ZFAT: variants seen among roughly 807,000 people sequenced by gnomAD.
The protein encoded by ZFAT is zinc finger protein ZFAT.
A neutral mutation model predicts 117.7 loss-of-function variants in ZFAT; 64 were observed. That is an observed-to-expected ratio of 0.54 (90% confidence interval 0.44 to 0.67). The LOEUF is 0.67. Ranked by LOEUF, ZFAT falls within the 30% of genes least tolerant of loss-of-function variation. ZFAT has a pLI of 0.00. For synonymous variants in ZFAT, 679 were observed against 615.0 expected (o/e 1.10, Z -1.54); for missense variants, 1,433 against 1,584.5 (o/e 0.90, Z 1.62).
intron 15 of ZFAT, among the ~76,000 whole-genome samples, chr8:134,484,650 C>G (rs1485372319): frequency 1.3e-5 from 2 of 152,184 alleles, no homozygotes; most frequent in Non-Finnish European, 2.9e-5. Flanking sequence ...CAAAATTCCC[C>G]AGTCTGCATG....
At chr8:134,574,987 G>GA (rs147318163) in intron 10 of ZFAT, among the ~76,000 whole-genome samples, 3,322 of 146,274 alleles carry the variant, frequency 0.023, 124 homozygotes, top group African/African-American at 0.078. Flanking sequence ...GAGAATATTT[G>GA]AAAAAAAAAA....
At chr8:134,559,202 G>A (rs1019117687) in intron 11 of ZFAT, among the ~76,000 whole-genome samples, 1 of 152,164 alleles carries the variant, frequency 6.6e-6, no homozygotes, top group Non-Finnish European at 1.5e-5. Context: ...CTGTCCCTCA[G>A]TCTACCCAGT....
At chr8:134,697,599 C>T (rs1586967817) in intron 1 of ZFAT, among the ~76,000 whole-genome samples, 2 of 150,962 alleles carry the variant, frequency 1.3e-5, no homozygotes, top group South Asian at 2.1e-4. Context: ...TGGTAGCGGG[C>T]GCCTGTAGTC....
intron 5 of ZFAT, among the ~76,000 whole-genome samples, chr8:134,606,784 A>G (rs1586804945): frequency 1.3e-5 from 2 of 152,110 alleles, no homozygotes; most frequent in East Asian, 3.8e-4. Flanking sequence ...GCTATAAAAT[A>G]TAAACTCAAT....
At chr8:134,554,191 G>A (rs889727109) in intron 11 of ZFAT, among the ~76,000 whole-genome samples, 2 of 152,210 alleles carry the variant, frequency 1.3e-5, no homozygotes, top group Non-Finnish European at 2.9e-5. Flanking sequence ...GTATGTTGGA[G>A]CAGGGGCAAT....
At chr8:134,695,543 A>C (rs1833786775) in intron 1 of ZFAT, among the ~76,000 whole-genome samples, 1 of 150,634 alleles carries the variant, frequency 6.6e-6, no homozygotes, top group Admixed American at 6.6e-5. Flanking sequence ...CTGCATCTCT[A>C]ACCAAGGAAG....
At chr8:134,648,128 T>C (rs956216175) in intron 2 of ZFAT, among the ~76,000 whole-genome samples, 2 of 151,992 alleles carry the variant, frequency 1.3e-5, no homozygotes, top group African/African-American at 2.4e-5. Flanking sequence ...TATATATGTA[T>C]AACAAATCAT....
chr8:134,694,347 A>C (rs1010907805), intron 1 of ZFAT, among the ~76,000 whole-genome samples: 4 of 152,216 alleles, frequency 2.6e-5, no homozygotes, highest in Non-Finnish European at 4.4e-5. Context: ...TAAACACCGA[A>C]GATACTTAGG....
chr8:134,559,513 T>G (rs2130743413), intron 11 of ZFAT, among the ~76,000 whole-genome samples: 1 of 152,338 alleles, frequency 6.6e-6, no homozygotes, highest in East Asian at 1.9e-4. Context: ...CAGTAAGCAT[T>G]TCATGCATCT....
intron 7 of ZFAT, chr8:134,597,690 C>G (rs1159375924): frequency 2.0e-5 from 3 of 152,132 alleles, no homozygotes; most frequent in Non-Finnish European, 2.9e-5. Context: ...TCTCAATGCC[C>G]GACACGTAGA....
chr8:134,786,953 A>G, the ZFAT span, among the ~76,000 whole-genome samples: 1 of 151,094 alleles, frequency 6.6e-6, no homozygotes, highest in Non-Finnish European at 1.5e-5. Flanking sequence ...GGCTCAGATG[A>G]TCCTCCTGCC....
chr8:134,789,670 C>T, the ZFAT span, among the ~76,000 whole-genome samples: 1 of 152,112 alleles, frequency 6.6e-6, no homozygotes, highest in Non-Finnish European at 1.5e-5. Flanking sequence ...AAGCCTGGGG[C>T]CCTACTGATC....
chr8:134,564,066 A>T (rs1270513305), intron 11 of ZFAT, among the ~76,000 whole-genome samples: 1 of 152,076 alleles, frequency 6.6e-6, no homozygotes, highest in Non-Finnish European at 1.5e-5. Flanking sequence ...GAAGCAGGGG[A>T]ATCGCTTGAA....
intron 10 of ZFAT, among the ~76,000 whole-genome samples, chr8:134,579,971 A>AAG (rs1825605446): frequency 6.6e-6 from 1 of 151,536 alleles, no homozygotes; most frequent in East Asian, 1.9e-4. Context: ...AAAAAAAAAA[A>AAG]AAGAACAATG....
intron 12 of ZFAT, among the ~76,000 whole-genome samples, chr8:134,522,000 T>C (rs977396878): frequency 7.9e-5 from 12 of 152,246 alleles, no homozygotes; most frequent in African/African-American, 2.4e-4. Context: ...GTGGTCCACA[T>C]GGTCTCTCCT....
the ZFAT span, among the ~76,000 whole-genome samples, chr8:134,731,445 G>C: frequency 6.6e-6 from 1 of 152,224 alleles, no homozygotes; most frequent in Non-Finnish European, 1.5e-5. Flanking sequence ...GGGCCAGATA[G>C]TATTTTCAGC....
chr8:134,501,191 G>A (rs2130272819), intron 15 of ZFAT, among the ~76,000 whole-genome samples: 1 of 152,344 alleles, frequency 6.6e-6, no homozygotes, highest in South Asian at 2.1e-4. Context: ...ATATGCCTAA[G>A]AATCTAGTAT....
chr8:134,716,170 C>T (rs923794948), upstream of ZFAT, among the ~76,000 whole-genome samples: 1 of 121,144 alleles, frequency 8.3e-6, no homozygotes, highest in Non-Finnish European at 1.9e-5. Context: ...TGTATATATG[C>T]ACACACACAC....
At chr8:134,505,280 A>G (rs1419620657) in intron 15 of ZFAT, among the ~76,000 whole-genome samples, 1 of 152,188 alleles carries the variant, frequency 6.6e-6, no homozygotes, top group Non-Finnish European at 1.5e-5. Flanking sequence ...AAGCAGCTCA[A>G]GGTATATTTG....
Sources: allele counts gnomAD v4.1 joint callset (sites outside exome capture counted in the v4.1 genomes callset), GRCh38; gene constraint gnomAD v4.1.1; transcripts MANE v1.5; gene names NCBI Gene and HGNC (gene_info 2026-07-23, HGNC 2026-07-21).